The following ZNF490 variants were observed in gnomAD, a reference collection of about 807,000 sequenced individuals.
ZNF490 encodes the protein zinc finger protein 490.
A neutral mutation model predicts 17.7 loss-of-function variants in ZNF490; 11 were observed. The observed-to-expected ratio is 0.62, with a 90% CI of 0.39 to 1.03. The LOEUF (loss-of-function observed/expected upper bound fraction) is 1.03, where lower values mean the gene tolerates loss of function less well. ZNF490 is among the 50% of genes least tolerant of loss of function. ZNF490 has a pLI of 0.00. For missense variants in ZNF490, 542 were observed against 643.4 expected (o/e 0.84, Z 1.71); for synonymous variants, 222 against 216.1 (o/e 1.03, Z -0.24).
At chr19:12,602,136 G>A (rs1257685856) in intron 2 of ZNF490, among the ~76,000 whole-genome samples, 1 of 98,794 alleles carries the variant, frequency 1.0e-5, no homozygotes, top group African/African-American at 3.1e-5. Flanking sequence ...ACATATATGG[G>A]CCTATTTCTG....
chr19:12,589,699 C>T (rs184600575), intron 2 of ZNF490, among the ~76,000 whole-genome samples: 3 of 151,462 alleles, frequency 2.0e-5, no homozygotes, highest in East Asian at 2.0e-4. Flanking sequence ...GCCTTGGCCC[C>T]GCAAGCAGCA....
chr19:12,609,059 C>A, intron 2 of ZNF490, 99 bp downstream of exon 2: 1 of 1,190,794 alleles, frequency 8.4e-7, no homozygotes, highest in East Asian at 2.5e-5. Context: ...TCACAAAGAC[C>A]CGAAAGACCC....
rs1334302553 is a variant in ZNF490 at position 12,576,232 on chromosome 19, G to A, written c.*4253C>T. On this transcript the variant is annotated 3_prime_UTR_variant, in exon 5 of 5. Transcript: ENST00000311437. ...AAGAAAATGCAAGCATTCCAGCCGG[G>A]CCTGGTGGCTCAAGCCTCTAATCCC... Among the ~76,000 whole-genome samples, 1 of 152,180 alleles carries A rather than the reference G, an allele frequency of 6.6e-6. No homozygotes were observed. The highest frequency in any genetic ancestry group is 2.4e-5 in the African/African-American group (1 of 41,446).
rs1469019169 is a variant in ZNF490, at chr19:12,577,317, C to T, written c.*3168G>A. Among the ~76,000 whole-genome samples, 1 of 152,170 alleles carries T rather than the reference C, an allele frequency of 6.6e-6. No individual in the cohort carries two copies. ...CTCCCATTCCTGTAGCAGAGATACCCCTTAGTTCCCCAATACCTATCACAA... is the reference window on the plus strand; with the variant it reads ...CTCCCATTCCTGTAGCAGAGATACCTCTTAGTTCCCCAATACCTATCACAA... On this transcript the variant is annotated 3_prime_UTR_variant, in exon 5 of 5. Coordinates refer to ENST00000311437, the MANE Select transcript of ZNF490 (RefSeq NM_020714.3).
intron 4 of ZNF490, 73 bp from the exon 5 acceptor site, chr19:12,581,797 T>A: frequency 1.5e-6 from 2 of 1,341,564 alleles, no homozygotes; most frequent in African/African-American, 1.5e-5. Context: ...AGTACCAGAA[T>A]TACATTTTAA....
intron 3 of ZNF490, 83 bp downstream of exon 3, chr19:12,583,347 C>G: frequency 1.4e-6 from 2 of 1,455,042 alleles, no homozygotes; most frequent in Non-Finnish European, 1.8e-6. Context: ...CCCCTTCCCC[C>G]ATTTTAAACC....
intron 1 of ZNF490, among the ~76,000 whole-genome samples, chr19:12,609,544 C>T (rs912742007): frequency 6.6e-6 from 1 of 152,116 alleles, no homozygotes; most frequent in African/African-American, 2.4e-5. Flanking sequence ...ACACCATACC[C>T]AGCTAATTTT....
At position 12,610,556 on chromosome 19, in the gene ZNF490, C is replaced by T; in HGVS notation, c.117+8G>A. ...AGGCCTTACAACATTATGCCAAGCC[C>T]CTGGTACCTGGAGGACATCAGACCC... On this transcript the variant is annotated splice_region_variant and intron_variant, in intron 1 of 4. Coordinates refer to ENST00000311437, the MANE Select transcript of ZNF490 (RefSeq NM_020714.3). The T allele has an allele frequency of 6.2e-7, 1 of 1,611,058 alleles. No individual in the cohort carries two copies. The highest frequency in any genetic ancestry group is 8.5e-7 in the Non-Finnish European group (1 of 1,177,454).
intron 1 of ZNF490, among the ~76,000 whole-genome samples, chr19:12,609,428 T>A (rs909350531): frequency 1.3e-5 from 2 of 152,124 alleles, no homozygotes; most frequent in Non-Finnish European, 2.9e-5. Context: ...TCTCTCTCTC[T>A]CCCAGGCTGG....
chr19:12,579,019 C>A lies in ZNF490; in HGVS notation c.*1466G>T. On this transcript the variant is annotated 3_prime_UTR_variant, in exon 5 of 5. Transcript: ENST00000311437. ...CTATAATCCCAGCACTTTGGGAGGC[C>A]GAGGAGGGCGGATCACGAGGTCAGG... 2.2e-5 allele frequency: 18 copies of A among 813,024 alleles called. No individual in the cohort carries two copies. The highest frequency in any genetic ancestry group is 2.7e-5 in the Non-Finnish European group (18 of 672,640). The allele number at this position is 813,024 out of a possible 1,614,324, so 50.4% of individuals were successfully genotyped here.
Position 12,578,982 on chromosome 19 carries a change from G to A in ZNF490, c.*1503C>T, listed in dbSNP as rs1157798177. The A allele has an allele frequency of 5.1e-5, 50 of 985,196 alleles. No homozygotes were observed. Among genetic ancestry groups the A allele is most frequent in the Admixed American group, 6.1e-5 (1 of 16,264 alleles). The allele number at this position is 985,196 out of a possible 1,614,324, so 61.0% of individuals were successfully genotyped here. ...TTAAAATGAACTGGAGGCCGGGCGC[G>A]GTGGCTCACGCCTATAATCCCAGCA... On this transcript the variant is annotated 3_prime_UTR_variant, in exon 5 of 5. Transcript: ENST00000311437.
At chr19:12,602,304 C>T (rs923280776) in intron 2 of ZNF490, among the ~76,000 whole-genome samples, 1 of 151,940 alleles carries the variant, frequency 6.6e-6, no homozygotes, top group South Asian at 2.1e-4. Flanking sequence ...CCCAGCACTG[C>T]GGGAGGCCGA....
At chr19:12,591,882 T>TA (rs1315783749) in intron 2 of ZNF490, among the ~76,000 whole-genome samples, 2 of 151,660 alleles carry the variant, frequency 1.3e-5, no homozygotes, top group African/African-American at 4.8e-5. Flanking sequence ...ATCATGCTCC[T>TA]AGGTATTTAC....
chr19:12,601,324 G>C (rs1599312359), intron 2 of ZNF490, among the ~76,000 whole-genome samples: 1 of 151,430 alleles, frequency 6.6e-6, no homozygotes, highest in Non-Finnish European at 1.5e-5. Flanking sequence ...GGAGGCGAAG[G>C]TTGCAATGAG....
rs1285421926 is a variant in ZNF490, at chr19:12,580,985, A to C, written c.1090T>G (p.Cys364Gly). 6.2e-7 allele frequency: 1 copy of C among 1,614,176 alleles called. No individual in the cohort carries two copies. Among genetic ancestry groups the C allele is most frequent in the Non-Finnish European group, 8.5e-7 (1 of 1,180,034 alleles). The change falls in exon 5 of 5, where the codon TGT becomes GGT. Residue 364 changes from cysteine (C) to glycine (G), a missense_variant. Coordinates refer to ENST00000311437, the MANE Select transcript of ZNF490 (RefSeq NM_020714.3). The stretch of plus-strand genomic sequence containing the variant: ...TTGAAGGCTTCCCCACATTTCTTAC[A>C]TGTATAAGGTTGAACTCCGGTGTGG... ...KTHTGVQPYT[C>G]KKCGEAFKSS...
chr19:12,608,458 T>C (rs2023099474), intron 2 of ZNF490, among the ~76,000 whole-genome samples: 1 of 27,776 alleles, frequency 3.6e-5, no homozygotes, highest in Admixed American at 3.1e-4. Context: ...TTTATTTATG[T>C]ATTTATTTAT....
chr19:12,594,277 C>G (rs747013452), intron 2 of ZNF490, among the ~76,000 whole-genome samples: 1 of 151,954 alleles, frequency 6.6e-6, no homozygotes, highest in Non-Finnish European at 1.5e-5. Context: ...ACCAGCCTGG[C>G]CAATACGGTA....
intron 2 of ZNF490, among the ~76,000 whole-genome samples, chr19:12,592,566 G>A (rs2022885679): frequency 6.6e-6 from 1 of 152,090 alleles, no homozygotes; most frequent in African/African-American, 2.4e-5. Flanking sequence ...TTGGGAAGAG[G>A]GAGGGACTAA....
chr19:12,585,224 C>G (rs1199859611), intron 2 of ZNF490, among the ~76,000 whole-genome samples: 2 of 93,844 alleles, frequency 2.1e-5, no homozygotes, highest in South Asian at 5.6e-4. Context: ...ACAGTGGAAA[C>G]TGAGGAATGA....
Sources: allele counts gnomAD v4.1 joint callset (sites outside exome capture counted in the v4.1 genomes callset), GRCh38; gene constraint gnomAD v4.1.1; transcripts MANE v1.5; gene names NCBI Gene and HGNC (gene_info 2026-07-23, HGNC 2026-07-21).